The following WWC1 variants were observed in gnomAD, a reference collection of about 807,000 sequenced individuals.
WWC1 encodes the protein protein KIBRA.
In WWC1, 55 loss-of-function variants were observed where a neutral mutation model predicts 138.4. The observed-to-expected ratio is 0.40, with a 90% CI of 0.32 to 0.50. The LOEUF (loss-of-function observed/expected upper bound fraction) is 0.50, where lower values mean the gene tolerates loss of function less well. Among genes scored for constraint, WWC1 ranks in the 20% least tolerant of loss-of-function variants. The pLI is 0.72. For missense variants in WWC1, 1,226 were observed against 1,420.4 expected, an observed-to-expected ratio of 0.86 and a Z score of 2.20; for synonymous variants, 524 against 564.9, an observed-to-expected ratio of 0.93 and a Z score of 1.03.
At chr5:168,390,082 G>A (rs1778365196) in intron 3 of WWC1, among the ~76,000 whole-genome samples, 1 of 152,148 alleles carries the variant, frequency 6.6e-6, no homozygotes, top group African/African-American at 2.4e-5. Flanking sequence ...TTCAAATCCA[G>A]GATATGCAGA....
At chr5:168,340,204 T>C (rs1773930153) in intron 1 of WWC1, among the ~76,000 whole-genome samples, 2 of 152,192 alleles carry the variant, frequency 1.3e-5, no homozygotes, top group South Asian at 4.2e-4. Context: ...GCCTCCCAAG[T>C]AGCTGGGATT....
At chr5:168,378,298 A>G (rs1207076161) in intron 2 of WWC1, among the ~76,000 whole-genome samples, 3 of 152,128 alleles carry the variant, frequency 2.0e-5, no homozygotes, top group African/African-American at 7.2e-5. Context: ...GGGTAGGGAG[A>G]TGGGGGCAAA....
intron 17 of WWC1, among the ~76,000 whole-genome samples, chr5:168,450,029 C>T (rs898439520): frequency 1.3e-5 from 2 of 152,200 alleles, no homozygotes; most frequent in African/African-American, 2.4e-5. Flanking sequence ...TGGGAAAATC[C>T]TCAGGGAGAT....
chr5:168,386,722 C>T (rs955291098), intron 3 of WWC1, among the ~76,000 whole-genome samples: 2 of 151,958 alleles, frequency 1.3e-5, no homozygotes, highest in African/African-American at 4.8e-5. Context: ...AGTGCAGTGG[C>T]ACAATCTTGG....
intron 5 of WWC1, among the ~76,000 whole-genome samples, chr5:168,404,959 G>C (rs1779668756): frequency 6.6e-6 from 1 of 150,574 alleles, no homozygotes; most frequent in Non-Finnish European, 1.5e-5. Context: ...AAGCCAATAA[G>C]CTCTCCAGAC....
At chr5:168,447,115 T>TG (rs1235623452) in intron 17 of WWC1, among the ~76,000 whole-genome samples, 1 of 152,192 alleles carries the variant, frequency 6.6e-6, no homozygotes, top group African/African-American at 2.4e-5. Flanking sequence ...TCTCCTCGTC[T>TG]GTGAAATAGA....
chr5:168,346,109 C>T (rs969529883), intron 1 of WWC1, among the ~76,000 whole-genome samples: 1 of 151,980 alleles, frequency 6.6e-6, no homozygotes, highest in African/African-American at 2.4e-5. Flanking sequence ...GATTGGGATG[C>T]CCAGCCCTGG....
chr5:168,336,365 G>T (rs1027997035), intron 1 of WWC1, among the ~76,000 whole-genome samples: 6 of 152,068 alleles, frequency 3.9e-5, no homozygotes, highest in Non-Finnish European at 8.8e-5. Context: ...GAGGTAAGGA[G>T]TTCAAGACCA....
intron 1 of WWC1, among the ~76,000 whole-genome samples, chr5:168,312,634 C>T (rs1447602957): frequency 6.6e-6 from 1 of 152,220 alleles, no homozygotes; most frequent in Non-Finnish European, 1.5e-5. Flanking sequence ...TGGCCCCAGC[C>T]TATGCCTCCT....
chr5:168,466,540 C>T (rs1009398879), intron 21 of WWC1, among the ~76,000 whole-genome samples: 4 of 152,174 alleles, frequency 2.6e-5, no homozygotes, highest in African/African-American at 7.2e-5. Context: ...AAGATGACGC[C>T]GGACTTCTTA....
chr5:168,377,295 A>G (rs1046101210), intron 2 of WWC1, among the ~76,000 whole-genome samples: 2 of 152,230 alleles, frequency 1.3e-5, no homozygotes, highest in African/African-American at 4.8e-5. Flanking sequence ...TGGATTAAAG[A>G]TTTAAATGTA....
chr5:168,400,401 T>C (rs1177576257), intron 5 of WWC1, among the ~76,000 whole-genome samples: 1 of 152,192 alleles, frequency 6.6e-6, no homozygotes, highest in East Asian at 1.9e-4. Context: ...TCTCATCATT[T>C]AGCTCCCACT....
intron 2 of WWC1, among the ~76,000 whole-genome samples, chr5:168,377,013 T>C (rs983552664): frequency 2.0e-5 from 3 of 152,176 alleles, no homozygotes; most frequent in Admixed American, 1.3e-4. Flanking sequence ...AGGCATCATA[T>C]TATCCAACTT....
chr5:168,401,271 C>A (rs1779289491), intron 5 of WWC1, among the ~76,000 whole-genome samples: 1 of 152,154 alleles, frequency 6.6e-6, no homozygotes, highest in South Asian at 2.1e-4. Flanking sequence ...TGAAGGTCAC[C>A]TGGTAGCCCT....
At chr5:168,450,528 T>A (rs1015629455) in intron 17 of WWC1, among the ~76,000 whole-genome samples, 7 of 152,026 alleles carry the variant, frequency 4.6e-5, no homozygotes, top group Admixed American at 6.5e-5. Context: ...CAGCTTGGCA[T>A]GGCGGCACGT....
intron 10 of WWC1, 49 bp from the exon 11 acceptor site, chr5:168,423,483 GC>G: frequency 6.4e-7 from 1 of 1,554,082 alleles, no homozygotes. Context: ...GTCTCAGGGG[GC>G]CCACTTCACT....
At chr5:168,421,810 T>A (rs1781105487) in intron 9 of WWC1, among the ~76,000 whole-genome samples, 198 bp from the exon 10 acceptor site, 1 of 152,150 alleles carries the variant, frequency 6.6e-6, no homozygotes, top group African/African-American at 2.4e-5. Flanking sequence ...GCAGAGTGCC[T>A]GATATATATA....
rs947015967 is a variant in WWC1, at chr5:168,338,035, G to T, written c.120-33389G>T. Among the ~76,000 whole-genome samples the T allele has an allele frequency of 3.9e-5, 6 of 152,168 alleles. No homozygotes were observed. In the East Asian group the frequency reaches 1.2e-3, roughly 30 times the overall value. On this transcript the variant is annotated intron_variant, in intron 1 of 22. Transcript: ENST00000265293. The stretch of plus-strand genomic sequence containing the variant: ...GTTCTAAATGCAGTGGGAAGGCCAG[G>T]CGCAGGGGCTCATGCCTGTAATCCC...
chr5:168,397,605 C>A, intron 3 of WWC1, 119 bp from the exon 4 acceptor site: 2 of 987,746 alleles, frequency 2.0e-6, no homozygotes, highest in Non-Finnish European at 3.1e-6. Flanking sequence ...CTTTGTTGAA[C>A]ATTTAGGTTG....
Sources: allele counts gnomAD v4.1 joint callset (sites outside exome capture counted in the v4.1 genomes callset), GRCh38; gene constraint gnomAD v4.1.1; transcripts MANE v1.5; gene names NCBI Gene and HGNC (gene_info 2026-07-23, HGNC 2026-07-21).